Variants in TMEM132B observed in about 807,000 individuals in gnomAD.
The protein encoded by TMEM132B is transmembrane protein 132B.
TMEM132B carries 18 observed loss-of-function variants against 90.8 expected under a neutral mutation model. The observed-to-expected ratio is 0.20, with a 90% confidence interval of 0.14 to 0.29. TMEM132B has a LOEUF of 0.29. Ranked by LOEUF, TMEM132B falls within the 10% of genes least tolerant of loss-of-function variation. TMEM132B has a pLI of 1.00. For missense variants in TMEM132B, 1,096 were observed against 1,326.8 expected, an observed-to-expected ratio of 0.83 and a Z score of 2.70; for synonymous variants, 504 against 523.3, an observed-to-expected ratio of 0.96 and a Z score of 0.50.
At chr12:125,195,203 C>T (rs759636145) in intron 1 of TMEM132B, among the ~76,000 whole-genome samples, 50 of 151,988 alleles carry the variant, frequency 3.3e-4, no homozygotes, top group Middle Eastern at 3.4e-3. Context: ...AGCCCCTGTC[C>T]GTGGTGCTGG....
At position 125,592,442 on chromosome 12, in the gene TMEM132B, A is replaced by C. The variant is rs150308933; in HGVS notation, c.1437+8448A>C. On this transcript the variant is annotated intron_variant, in intron 5 of 8. Transcript: ENST00000682704. The stretch of plus-strand genomic sequence containing the variant: ...ATAATGAGATGTTAAATGGCTAATA[A>C]AGGGACATTAATATTTTAAAGCCTT... Among the ~76,000 whole-genome samples, 437 of 152,304 alleles carry C rather than the reference A, an allele frequency of 2.9e-3. 2 individuals carry two copies. Among genetic ancestry groups the C allele is most frequent in the African/African-American group, 0.01 (420 of 41,560 alleles).
chr12:125,605,964 T>C (rs1269298989), intron 5 of TMEM132B, among the ~76,000 whole-genome samples: 1 of 152,166 alleles, frequency 6.6e-6, no homozygotes, highest in Non-Finnish European at 1.5e-5. Context: ...AACAAGAGGG[T>C]AAAAATGATG....
At chr12:125,585,921 G>C (rs989020818) in intron 5 of TMEM132B, 1 of 152,192 alleles carries the variant, frequency 6.6e-6, no homozygotes, top group African/African-American at 2.4e-5. Context: ...CAGGACTGTT[G>C]CAAGTTTGGG....
intron 1 of TMEM132B, among the ~76,000 whole-genome samples, chr12:125,341,289 A>T (rs1238967735): frequency 3.3e-5 from 5 of 152,218 alleles, no homozygotes; most frequent in Non-Finnish European, 7.3e-5. Context: ...GAGTGGGGGT[A>T]AAAACTAAAT....
intron 3 of TMEM132B, among the ~76,000 whole-genome samples, chr12:125,428,854 A>G (rs443575): frequency 0.99 from 150,730 of 152,312 alleles, 74,606 homozygotes; most frequent in Middle Eastern, 1. Flanking sequence ...TATGTTGACC[A>G]TGAGCAGTTT....
intron 5 of TMEM132B, among the ~76,000 whole-genome samples, chr12:125,596,533 G>A (rs1413573749): frequency 6.6e-6 from 1 of 152,162 alleles, no homozygotes; most frequent in Non-Finnish European, 1.5e-5. Context: ...CACTTTGTCT[G>A]ATTTTCTGTT....
chr12:125,493,761 A>T (rs1419491664), intron 3 of TMEM132B, among the ~76,000 whole-genome samples: 2 of 152,018 alleles, frequency 1.3e-5, no homozygotes, highest in Non-Finnish European at 2.9e-5. Flanking sequence ...AGGCAGCAGG[A>T]AGGATGTACC....
Position 125,653,684 on chromosome 12 carries a change from C to G in TMEM132B, c.2226C>G (p.Val742=), listed in dbSNP as rs1013818731. 1 of 1,614,110 alleles carries G rather than the reference C, an allele frequency of 6.2e-7. No individual in the cohort carries two copies. The highest frequency in any genetic ancestry group is 2.2e-5 in the East Asian group (1 of 44,872). Residue 742 remains valine, a synonymous_variant, in exon 9 of 9, where the codon GTC becomes GTG. Transcript: ENST00000682704. ...CATTGGATGAAATGGTGGTGTCTGT[C>G]CAGGCAAACCTTGAGTCCAAATGGC... is the stretch of plus-strand genomic sequence containing the variant. ...VSSLDEMVVS[V]QANLESKWPI... is the part of the protein sequence containing the mutation.
chr12:125,556,842 C>T (rs1884401598), intron 4 of TMEM132B, among the ~76,000 whole-genome samples: 2 of 152,138 alleles, frequency 1.3e-5, no homozygotes, highest in African/African-American at 4.8e-5. Flanking sequence ...GCAAGCTCTG[C>T]CTCCCGGGTT....
intron 3 of TMEM132B, among the ~76,000 whole-genome samples, chr12:125,441,345 A>C (rs1880863888): frequency 6.6e-6 from 1 of 152,242 alleles, no homozygotes; most frequent in African/African-American, 2.4e-5. Context: ...CTATATGATT[A>C]ATATGCAAAC....
intron 1 of TMEM132B, among the ~76,000 whole-genome samples, chr12:125,229,529 C>A (rs1873767605): frequency 6.6e-6 from 1 of 152,218 alleles, no homozygotes; most frequent in Non-Finnish European, 1.5e-5. Flanking sequence ...TAAGTAAATT[C>A]TATCTACCTA....
intron 4 of TMEM132B, among the ~76,000 whole-genome samples, chr12:125,576,946 T>A (rs1258585002): frequency 6.6e-6 from 1 of 151,738 alleles, no homozygotes; most frequent in East Asian, 1.9e-4. Flanking sequence ...CCTGTAGTTT[T>A]CTTTTCCTGT....
At chr12:125,239,338 T>C (rs1278283984) in intron 1 of TMEM132B, among the ~76,000 whole-genome samples, 3 of 152,190 alleles carry the variant, frequency 2.0e-5, no homozygotes, top group Non-Finnish European at 4.4e-5. Flanking sequence ...ATAGTCATAG[T>C]CAGGATCTTT....
At chr12:125,216,570 G>A (rs932758503) in intron 1 of TMEM132B, among the ~76,000 whole-genome samples, 10 of 152,200 alleles carry the variant, frequency 6.6e-5, no homozygotes, top group Admixed American at 6.5e-4. Flanking sequence ...GTGCTGAGAT[G>A]TCTTTTCAGC....
intron 4 of TMEM132B, among the ~76,000 whole-genome samples, chr12:125,559,850 C>T (rs540871452): frequency 5.3e-5 from 8 of 152,228 alleles, no homozygotes; most frequent in African/African-American, 1.4e-4. Context: ...TTAAATGAGG[C>T]GGTGGCTGAA....
chr12:125,513,877 A>G (rs1883042910), intron 3 of TMEM132B, among the ~76,000 whole-genome samples: 1 of 152,158 alleles, frequency 6.6e-6, no homozygotes, highest in African/African-American at 2.4e-5. Context: ...CGTGTTCATG[A>G]TAGCATTTGT....
At chr12:125,250,489 C>T (rs1874293968) in intron 1 of TMEM132B, among the ~76,000 whole-genome samples, 2 of 152,202 alleles carry the variant, frequency 1.3e-5, no homozygotes, top group Admixed American at 6.5e-5. Context: ...GTGTCCCCTT[C>T]CCCTCTTGCT....
intron 3 of TMEM132B, among the ~76,000 whole-genome samples, chr12:125,436,363 G>A (rs1475923948): frequency 2.0e-5 from 3 of 152,084 alleles, no homozygotes; most frequent in Admixed American, 6.5e-5. Context: ...TTATGGAATC[G>A]TACCTCTTCC....
Position 125,407,828 on chromosome 12 carries a change from C to A in TMEM132B, c.960-7703C>A, listed in dbSNP as rs2136333681. 6.6e-6 allele frequency among the ~76,000 whole-genome samples: 1 copy of A among 152,360 alleles called. No homozygotes were observed. The highest frequency in any genetic ancestry group is 1.9e-4 in the East Asian group (1 of 5,186). On this transcript the variant is annotated intron_variant, in intron 2 of 8. Coordinates refer to ENST00000682704, the MANE Select transcript of TMEM132B (RefSeq NM_001366854.1). This position sits in a 1 kb window ranked among gnomAD's most constrained non-coding sequence, Gnocchi z 6.7. ...GTGAACGTGGGCAGTGGTGGAGCCA[C>A]CATGTCCTCCTGGCTCTGACTTACG...
Sources: allele counts gnomAD v4.1 joint callset (sites outside exome capture counted in the v4.1 genomes callset), GRCh38; gene constraint gnomAD v4.1.1; non-coding constraint Gnocchi (gnomAD v3.1); transcripts MANE v1.5; gene names NCBI Gene and HGNC (gene_info 2026-07-23, HGNC 2026-07-21).